Variants in IP6K2 observed in about 807,000 individuals in gnomAD.
The protein encoded by IP6K2 is inositol hexakisphosphate kinase 2.
In IP6K2, 9 loss-of-function variants were observed where a neutral mutation model predicts 43.3. The ratio of observed to expected loss-of-function variants is 0.21; its 90% CI spans 0.13 to 0.36. The LOEUF is 0.36. IP6K2 is among the 10% of genes least tolerant of loss of function. The probability of loss-of-function intolerance (pLI) is 1.00; values close to 1 mark genes in which losing one functional copy is unlikely to be tolerated. For synonymous variants in IP6K2, 209 were observed against 202.4 expected (o/e 1.03, Z -0.28); for missense variants, 332 against 538.4 (o/e 0.62, Z 3.79).
At chr3:48,705,828 A>G (rs188246049) in intron 1 of IP6K2, among the ~76,000 whole-genome samples, 2 of 150,542 alleles carry the variant, frequency 1.3e-5, no homozygotes, top group African/African-American at 4.9e-5. Context: ...CATGGCAAAA[A>G]CCCCTCTCTA....
chr3:48,701,183 A>C (rs2078989889), intron 1 of IP6K2, among the ~76,000 whole-genome samples: 1 of 152,086 alleles, frequency 6.6e-6, no homozygotes, highest in East Asian at 1.9e-4. Flanking sequence ...CAGCCTGGTC[A>C]ACATGGTGAA....
rs140587616 is a variant in IP6K2, at chr3:48,700,493, A to G, written c.-130-5072T>C. The stretch of plus-strand genomic sequence containing the variant: ...GCAAAATACTGGCTTCAGATTTAGC[A>G]TCTATTTTAGCTTTCCACATTGCCT... On this transcript the variant is annotated intron_variant, in intron 1 of 5. Transcript: ENST00000328631. Among the ~76,000 whole-genome samples, 6 of 152,310 alleles carry G rather than the reference A, an allele frequency of 3.9e-5. No homozygotes were observed. The East Asian group carries it at 1.2e-3, about 29-fold the overall frequency.
rs533715199 is a variant in IP6K2 at position 48,711,148 on chromosome 3, T to C, written c.-131+6009A>G. Among the ~76,000 whole-genome samples, 22 of 152,294 alleles carry C rather than the reference T, an allele frequency of 1.4e-4. 1 individual carries two copies. In the South Asian group the frequency reaches 2.9e-3, roughly 20 times the overall value. On this transcript the variant is annotated intron_variant, in intron 1 of 5. Transcript: ENST00000328631. ...CTGGTGTCGAACTCCTGGGATTAAA[T>C]GATCCGCCTACCTCAGCCTCCTGAA...
chr3:48,696,251 A>T (rs2078334102), intron 1 of IP6K2, among the ~76,000 whole-genome samples: 1 of 151,868 alleles, frequency 6.6e-6, no homozygotes, highest in African/African-American at 2.4e-5. Context: ...ATCTAGTAAG[A>T]CTCATTATTT....
At chr3:48,701,091 T>TG (rs1438134273) in intron 1 of IP6K2, among the ~76,000 whole-genome samples, 1 of 152,162 alleles carries the variant, frequency 6.6e-6, no homozygotes, top group African/African-American at 2.4e-5. Context: ...ACAACGTGGC[T>TG]GGGCGCGGTG....
intron 1 of IP6K2, among the ~76,000 whole-genome samples, chr3:48,704,709 G>A (rs188416697): frequency 6.6e-6 from 1 of 152,274 alleles, no homozygotes; most frequent in Non-Finnish European, 1.5e-5. Context: ...TTGAGTTCAA[G>A]TGATCCTCCT....
intron 2 of IP6K2, chr3:48,693,984 GC>G: frequency 7.3e-7 from 1 of 1,373,216 alleles, no homozygotes. Flanking sequence ...GCCGACGAGC[GC>G]CTTACAAACG....
intron 1 of IP6K2, among the ~76,000 whole-genome samples, chr3:48,713,297 C>A (rs900869799): frequency 1.3e-5 from 2 of 152,204 alleles, no homozygotes; most frequent in African/African-American, 4.8e-5. Context: ...GCAGCCCCAA[C>A]TAAAAGAGCA....
At chr3:48,700,216 G>A (rs2078875184) in intron 1 of IP6K2, among the ~76,000 whole-genome samples, 1 of 151,922 alleles carries the variant, frequency 6.6e-6, no homozygotes, top group African/African-American at 2.4e-5. Flanking sequence ...CCCTATCTCT[G>A]CAAGGAAATG....
rs532104960 is a variant in IP6K2, at chr3:48,688,142, TCA to T, written c.*129_*130del. 124 of 936,910 alleles carry T rather than the reference TCA, an allele frequency of 1.3e-4. 1 individual carries two copies. The Middle Eastern group carries it at 1.6e-3, about 12-fold the overall frequency. 58.0% of individuals were successfully genotyped at this position (936,910 alleles called of 1,614,324 possible). A position where few individuals can be genotyped will look rare whatever the true frequency, so the allele number is the denominator to read the frequency against. On this transcript the variant is annotated 3_prime_UTR_variant, in exon 6 of 6. Coordinates refer to ENST00000328631, the MANE Select transcript of IP6K2 (RefSeq NM_016291.4). This position sits in a 1 kb window ranked among gnomAD's most constrained non-coding sequence, Gnocchi z 5.1. ...AGCTGGGACTGGCTCAGGCTGGGGC[TCA>T]CAGAGGCCACTGCACATCAGCTCCA...
rs116624563 is a variant in IP6K2, at chr3:48,710,549, G to C, written c.-131+6608C>G. ...TTTGAGCGTGAGATAAATCATCCTA[G>C]GGGTCCTGTCCCTTACCTTTCCCAG... On this transcript the variant is annotated intron_variant, in intron 1 of 5. Transcript: ENST00000328631. Among the ~76,000 whole-genome samples the C allele has an allele frequency of 4.7e-3, 717 of 152,234 alleles. 7 individuals are homozygous for C. The highest frequency in any genetic ancestry group is 0.016 in the African/African-American group (660 of 41,546).
intron 1 of IP6K2, among the ~76,000 whole-genome samples, chr3:48,703,695 A>C (rs2079341292): frequency 6.6e-6 from 1 of 152,028 alleles, no homozygotes; most frequent in Admixed American, 6.6e-5. Context: ...CCAGCCTGGG[A>C]CACAGAGCTA....
chr3:48,705,819 A>G (rs1005338582), intron 1 of IP6K2, among the ~76,000 whole-genome samples: 10 of 151,580 alleles, frequency 6.6e-5, no homozygotes, highest in Admixed American at 4.0e-4. Flanking sequence ...CCTAGGCAAC[A>G]TGGCAAAAAC....
In IP6K2 at chr3:48,688,472, T is replaced by C; in HGVS notation, c.1082A>G (p.Asp361Gly). 3 of 1,614,184 alleles carry C rather than the reference T, an allele frequency of 1.9e-6. No individual in the cohort carries two copies. Among genetic ancestry groups the C allele is most frequent in the Non-Finnish European group, 2.5e-6 (3 of 1,180,030 alleles). The part of the protein sequence containing the change: ...DLEDLSEESA[D>G]ESAGAYAYKP... ...GTAGGCATAGGCACCAGCAGACTCA[T>C]CAGCTGATTCCTCTGACAGGTCCTC... The change falls in exon 6 of 6, where the codon GAT becomes GGT. Residue 361 changes from aspartate to glycine, a missense_variant. Transcript: ENST00000328631. This position sits in a 1 kb window ranked among gnomAD's most constrained non-coding sequence, Gnocchi z 5.1.
intron 2 of IP6K2, chr3:48,694,383 A>G: frequency 6.5e-7 from 1 of 1,544,278 alleles, no homozygotes; most frequent in Non-Finnish European, 8.8e-7. Flanking sequence ...GTCCCAAAAG[A>G]ACCTAAGTTG....
chr3:48,715,532 G>C lies in IP6K2; in HGVS notation c.-131+1625C>G. 2.1e-6 allele frequency: 3 copies of C among 1,425,206 alleles called. No homozygotes were observed. In the South Asian group the frequency reaches 3.7e-5, roughly 17 times the overall value. The allele number at this position is 1,425,206 out of a possible 1,614,324, so 88.3% of individuals were successfully genotyped here. ...ACCTGTCTGTCACCTAGGAAGCTTT[G>C]AAACACAAAAGAAATCTATTATATC... is the stretch of plus-strand genomic sequence containing the variant. On this transcript the variant is annotated intron_variant, in intron 1 of 5. Coordinates refer to ENST00000328631, the MANE Select transcript of IP6K2 (RefSeq NM_016291.4).
intron 1 of IP6K2, among the ~76,000 whole-genome samples, chr3:48,713,184 G>A (rs1356731588): frequency 1.3e-5 from 2 of 152,192 alleles, no homozygotes; most frequent in East Asian, 1.9e-4. Context: ...AGGGGGATGC[G>A]AGATTTTTGC....
rs765423817 is a variant in IP6K2 at position 48,695,049 on chromosome 3, T to G, written c.202+41A>C. ...TTCCATGGCCACGATCTCTCACATCTCCTCGCCAGTGTGGCAACCCCTCCA... is the reference window on the plus strand; with the variant it reads ...TTCCATGGCCACGATCTCTCACATCGCCTCGCCAGTGTGGCAACCCCTCCA... On this transcript the variant is annotated intron_variant, in intron 2 of 5. Coordinates refer to ENST00000328631, the MANE Select transcript of IP6K2 (RefSeq NM_016291.4). The surrounding 1 kb of genome is among the most constrained non-coding windows in gnomAD (Gnocchi z 4.6). 2 of 1,614,106 alleles carry G rather than the reference T, an allele frequency of 1.2e-6. No homozygotes were observed.
At chr3:48,697,120 A>G (rs1281870576) in intron 1 of IP6K2, among the ~76,000 whole-genome samples, 1 of 149,870 alleles carries the variant, frequency 6.7e-6, no homozygotes, top group Non-Finnish European at 1.5e-5. Flanking sequence ...TCCCAGGTTC[A>G]CGTCATTCTC....
Sources: gnomAD v4.1 joint callset for allele counts (sites outside exome capture counted in the v4.1 genomes callset) on GRCh38, gnomAD v4.1.1 for gene constraint, Gnocchi (gnomAD v3.1) non-coding constraint, MANE v1.5 for transcripts, NCBI Gene and HGNC (gene_info 2026-07-23, HGNC 2026-07-21) for gene names.